RORA: variants seen among roughly 807,000 people sequenced by gnomAD.
RORA encodes RAR related orphan receptor A, also known as nuclear receptor ROR-alpha.
In RORA, 7 loss-of-function variants were observed where a neutral mutation model predicts 69.5. The observed-to-expected ratio is 0.10, with a 90% CI of 0.06 to 0.19. The LOEUF (loss-of-function observed/expected upper bound fraction) is 0.19, where lower values mean the gene tolerates loss of function less well. Ranked by LOEUF, RORA falls within the 10% of genes least tolerant of loss-of-function variation. The probability of loss-of-function intolerance (pLI) is 1.00; values close to 1 mark genes in which losing one functional copy is unlikely to be tolerated. For missense variants in RORA, 457 were observed against 663.0 expected (o/e 0.69, Z 3.41); for synonymous variants, 261 against 240.8 (o/e 1.08, Z -0.78).
intron 1 of RORA, among the ~76,000 whole-genome samples, chr15:61,126,096 T>C (rs927884496): frequency 2.0e-5 from 3 of 152,216 alleles, no homozygotes; most frequent in African/African-American, 7.2e-5. Flanking sequence ...GCTCCTCCTC[T>C]GGGGCTACAA....
At chr15:60,595,943 T>C (rs1378253260) in intron 2 of RORA, among the ~76,000 whole-genome samples, 2 of 152,134 alleles carry the variant, frequency 1.3e-5, no homozygotes, top group Non-Finnish European at 2.9e-5. Context: ...AGTAAGAAAG[T>C]AGAGAGACAC....
At chr15:61,166,882 C>T (rs2140888925) in intron 1 of RORA, among the ~76,000 whole-genome samples, 1 of 152,290 alleles carries the variant, frequency 6.6e-6, no homozygotes, top group Non-Finnish European at 1.5e-5. Context: ...TGTACATCTC[C>T]ATAATTAGAT....
chr15:61,080,096 G>C (rs1241884077), intron 1 of RORA, among the ~76,000 whole-genome samples: 1 of 152,156 alleles, frequency 6.6e-6, no homozygotes, highest in South Asian at 2.1e-4. Context: ...CTGCTTCTCA[G>C]GTAGCTCAGG....
At chr15:61,010,672 T>C (rs765859904) in intron 1 of RORA, among the ~76,000 whole-genome samples, 2 of 152,200 alleles carry the variant, frequency 1.3e-5, no homozygotes, top group Non-Finnish European at 2.9e-5. Context: ...CTGTGATCCC[T>C]TGTGCCTCAG....
chr15:61,080,689 G>T (rs2078526225), intron 1 of RORA, among the ~76,000 whole-genome samples: 1 of 152,190 alleles, frequency 6.6e-6, no homozygotes, highest in East Asian at 1.9e-4. Context: ...CACACAGTGG[G>T]TATAGAGTAC....
chr15:60,695,254 C>T (rs1201303419), intron 1 of RORA, among the ~76,000 whole-genome samples: 1 of 152,206 alleles, frequency 6.6e-6, no homozygotes, highest in Non-Finnish European at 1.5e-5. Context: ...TTCATATCCA[C>T]AACTTTAAGG....
chr15:60,783,308 C>T (rs1284034175), intron 1 of RORA, among the ~76,000 whole-genome samples: 1 of 151,950 alleles, frequency 6.6e-6, no homozygotes, highest in African/African-American at 2.4e-5. Context: ...CAGCTGTTTT[C>T]TTGTCCACCT....
chr15:60,756,300 A>G (rs926826298), intron 1 of RORA, among the ~76,000 whole-genome samples: 1 of 152,212 alleles, frequency 6.6e-6, no homozygotes, highest in African/African-American at 2.4e-5. Context: ...TATTGTGGCA[A>G]CTGAATGACG....
chr15:61,060,769 TC>T (rs1380996562), intron 1 of RORA, among the ~76,000 whole-genome samples: 1 of 151,990 alleles, frequency 6.6e-6, no homozygotes, highest in Non-Finnish European at 1.5e-5. Context: ...TCTTTCGGCT[TC>T]CCTGTACCCC....
At chr15:60,901,733 G>A (rs1172126767) in intron 1 of RORA, among the ~76,000 whole-genome samples, 1 of 152,156 alleles carries the variant, frequency 6.6e-6, no homozygotes, top group Non-Finnish European at 1.5e-5. Context: ...TCTGGCATCA[G>A]GTTGGATGCC....
chr15:61,059,398 A>G (rs1277345244), intron 1 of RORA, among the ~76,000 whole-genome samples: 1 of 152,234 alleles, frequency 6.6e-6, no homozygotes, highest in Non-Finnish European at 1.5e-5. Flanking sequence ...TGTTTATTCA[A>G]CTGTAGATAA....
intron 1 of RORA, among the ~76,000 whole-genome samples, chr15:60,812,003 T>C (rs1413237612): frequency 2.0e-5 from 3 of 152,182 alleles, no homozygotes; most frequent in African/African-American, 7.2e-5. Context: ...AATCAAGCAG[T>C]AGCATTCTTT....
chr15:60,693,935 G>C (rs1216314949), intron 1 of RORA, among the ~76,000 whole-genome samples: 1 of 151,700 alleles, frequency 6.6e-6, no homozygotes, highest in African/African-American at 2.4e-5. Context: ...CACAGAATTA[G>C]AAAAAACTAC....
intron 1 of RORA, among the ~76,000 whole-genome samples, chr15:60,794,952 G>A (rs116853819): frequency 0.032 from 4,808 of 152,268 alleles, 91 homozygotes; most frequent in Non-Finnish European, 0.043. Flanking sequence ...TGCCCTCAGA[G>A]GGGTTCATTT....
At chr15:61,125,022 G>T (rs747617041) in intron 1 of RORA, among the ~76,000 whole-genome samples, 2 of 152,192 alleles carry the variant, frequency 1.3e-5, no homozygotes, top group Non-Finnish European at 2.9e-5. Flanking sequence ...TGGAAAGGGA[G>T]GGGATCAATT....
chr15:60,797,407 T>G (rs2072513864), intron 1 of RORA, among the ~76,000 whole-genome samples: 1 of 152,184 alleles, frequency 6.6e-6, no homozygotes, highest in South Asian at 2.1e-4. Context: ...TGTGTGTGCC[T>G]TTCCAAGGGC....
At chr15:60,515,855 C>A (rs2065849833) in intron 3 of RORA, among the ~76,000 whole-genome samples, 1 of 138,526 alleles carries the variant, frequency 7.2e-6, no homozygotes, top group Non-Finnish European at 1.5e-5. Context: ...TAGGTGCACA[C>A]CACCATGCCT....
intron 1 of RORA, among the ~76,000 whole-genome samples, chr15:60,929,305 C>A (rs962588967): frequency 6.6e-6 from 1 of 152,180 alleles, no homozygotes; most frequent in Non-Finnish European, 1.5e-5. Flanking sequence ...CAAAATTTAT[C>A]TTTCACAGGA....
chr15:60,517,537 T>C (rs2066006084), intron 3 of RORA, among the ~76,000 whole-genome samples: 1 of 151,962 alleles, frequency 6.6e-6, no homozygotes, highest in South Asian at 2.1e-4. Context: ...GAAGTAAGGC[T>C]TTCTTTGGGG....
Sources: allele counts gnomAD v4.1 joint callset (sites outside exome capture counted in the v4.1 genomes callset), GRCh38; gene constraint gnomAD v4.1.1; transcripts MANE v1.5; gene names NCBI Gene and HGNC (gene_info 2026-07-23, HGNC 2026-07-21).